RGL1: variants seen among roughly 807,000 people sequenced by gnomAD.
The protein encoded by RGL1 is ral guanine nucleotide dissociation stimulator like 1, also known as ral guanine nucleotide dissociation stimulator-like 1.
A neutral mutation model predicts 95.2 loss-of-function variants in RGL1; 24 were observed. The observed-to-expected ratio is 0.25, with a 90% confidence interval of 0.18 to 0.35. RGL1 has a LOEUF of 0.35. Among genes scored for constraint, RGL1 ranks in the 10% least tolerant of loss-of-function variants. RGL1 has a pLI of 1.00. For missense variants in RGL1, 715 were observed against 936.3 expected (o/e 0.76, Z 3.08); for synonymous variants, 329 against 344.9 (o/e 0.95, Z 0.51).
intron 2 of RGL1, among the ~76,000 whole-genome samples, chr1:183,787,976 C>G (rs971090193): frequency 6.6e-6 from 1 of 152,124 alleles, no homozygotes; most frequent in Non-Finnish European, 1.5e-5. Flanking sequence ...ATCTGCAGAG[C>G]CATGAGTCAA....
chr1:183,912,056 A>G (rs750590186), intron 14 of RGL1, 26 bp from the exon 15 acceptor site: 1 of 1,604,218 alleles, frequency 6.2e-7, no homozygotes, highest in Admixed American at 1.7e-5. Flanking sequence ...AACAGCCCAA[A>G]TGCTTGGCAT....
At chr1:183,730,900 C>T (rs968917121) in intron 1 of RGL1, among the ~76,000 whole-genome samples, 19 of 152,162 alleles carry the variant, frequency 1.2e-4, no homozygotes, top group Non-Finnish European at 2.1e-4. Flanking sequence ...TAACAAGCCT[C>T]GAATTCCTTT....
chr1:183,740,213 C>T (rs6658466), intron 1 of RGL1, among the ~76,000 whole-genome samples: 69,488 of 151,964 alleles, frequency 0.46, 16,983 homozygotes, highest in East Asian at 0.8. Flanking sequence ...TATTTCCTTG[C>T]GTGTATGTGT....
In RGL1 at chr1:183,926,569, T is replaced by G; in HGVS notation, c.*277T>G. ...TTTAAAACATATATATGCACATGTA[T>G]TTGGTATGCATGTGTATCTATATAA... On this transcript the variant is annotated 3_prime_UTR_variant, in exon 18 of 18. Transcript: ENST00000360851. 4.4e-6 allele frequency: 1 copy of G among 228,898 alleles called. No individual in the cohort carries two copies. The highest frequency in any genetic ancestry group is 8.6e-6 in the Non-Finnish European group (1 of 116,374). 14.2% of individuals were successfully genotyped at this position (228,898 alleles called of 1,614,324 possible).
chr1:183,668,668 T>A (rs895454715), intron 1 of RGL1, among the ~76,000 whole-genome samples: 1 of 151,996 alleles, frequency 6.6e-6, no homozygotes, highest in Non-Finnish European at 1.5e-5. Context: ...TAAGCATAGT[T>A]TTTTTTGTTT....
chr1:183,713,382 C>CA (rs1553273628), intron 1 of RGL1, among the ~76,000 whole-genome samples: 6 of 134,852 alleles, frequency 4.4e-5, no homozygotes, highest in South Asian at 2.8e-4. Context: ...AGGCACCCCC[C>CA]CCCCCCGCTT....
chr1:183,766,565 G>T (rs1265030954), intron 2 of RGL1, among the ~76,000 whole-genome samples: 1 of 151,986 alleles, frequency 6.6e-6, no homozygotes, highest in Non-Finnish European at 1.5e-5. Context: ...GAATTACCTT[G>T]GAAATAAACA....
At chr1:183,679,709 A>T (rs1653079279) in intron 1 of RGL1, among the ~76,000 whole-genome samples, 1 of 152,184 alleles carries the variant, frequency 6.6e-6, no homozygotes, top group Non-Finnish European at 1.5e-5. Flanking sequence ...AGAATAATTT[A>T]TAATCCTTTG....
chr1:183,710,401 A>G (rs1655188446), intron 1 of RGL1, among the ~76,000 whole-genome samples: 1 of 152,130 alleles, frequency 6.6e-6, no homozygotes, highest in Non-Finnish European at 1.5e-5. Flanking sequence ...CACTGGTGGT[A>G]AGGGGGAAGG....
intron 4 of RGL1, among the ~76,000 whole-genome samples, chr1:183,874,517 T>G (rs1413622571): frequency 3.3e-5 from 5 of 152,018 alleles, no homozygotes; most frequent in African/African-American, 1.2e-4. Flanking sequence ...GAGGTTTTTT[T>G]TTTTCTCTTC....
chr1:183,666,005 C>CTTTTTTTTTTT (rs746295660), intron 1 of RGL1, among the ~76,000 whole-genome samples: 8 of 130,698 alleles, frequency 6.1e-5, no homozygotes, highest in Non-Finnish European at 9.9e-5. Context: ...TTCTTTTTTT[C>CTTTTTTTTTTT]TTTTTTTTTT....
chr1:183,694,486 A>G (rs1654143994), intron 1 of RGL1, among the ~76,000 whole-genome samples: 1 of 152,212 alleles, frequency 6.6e-6, no homozygotes, highest in Non-Finnish European at 1.5e-5. Context: ...GATAATATTA[A>G]CTGAAATTCT....
chr1:183,795,608 AGGCAGGGGCTAACCTGGGCAAGGCCCT>A (rs771776653), intron 2 of RGL1, among the ~76,000 whole-genome samples: 17 of 152,224 alleles, frequency 1.1e-4, no homozygotes, highest in Non-Finnish European at 2.5e-4. Context: ...CTGAAGAGGC[AGGCAGGGGCTAACCTGGGCAAGGCCCT>A]GTGGCATATG....
intron 1 of RGL1, among the ~76,000 whole-genome samples, chr1:183,692,957 AT>A (rs566962381): frequency 0.024 from 3,450 of 145,172 alleles, 116 homozygotes; most frequent in African/African-American, 0.078. Context: ...GATAAAAAAA[AT>A]TTTTTTTTTT....
At chr1:183,776,390 C>T (rs374726746) in intron 2 of RGL1, among the ~76,000 whole-genome samples, 13 of 151,778 alleles carry the variant, frequency 8.6e-5, no homozygotes, top group South Asian at 2.1e-4. Context: ...CCTCGTGATC[C>T]GCCCGCCTCG....
chr1:183,693,243 C>T (rs1299783488), intron 1 of RGL1, among the ~76,000 whole-genome samples: 2 of 152,048 alleles, frequency 1.3e-5, no homozygotes, highest in Admixed American at 6.5e-5. Context: ...CATGAGCCAC[C>T]GTGCCCAGCC....
At chr1:183,913,678 G>A (rs978082015) in intron 15 of RGL1, among the ~76,000 whole-genome samples, 13 of 152,142 alleles carry the variant, frequency 8.5e-5, no homozygotes, top group African/African-American at 2.9e-4. Flanking sequence ...GTTGGCAATG[G>A]TTTCATCCCT....
upstream of RGL1, among the ~76,000 whole-genome samples, chr1:183,800,289 T>G (rs1054939992): frequency 6.6e-6 from 1 of 152,220 alleles, no homozygotes; most frequent in African/African-American, 2.4e-5. Flanking sequence ...GGTATATATA[T>G]TGTATACTTC....
chr1:183,668,009 G>GTGTA (rs1558144018), intron 1 of RGL1, among the ~76,000 whole-genome samples: 1 of 31,564 alleles, frequency 3.2e-5, no homozygotes, highest in Non-Finnish European at 1.4e-4. Context: ...ATATATGTGT[G>GTGTA]TGTGTGTGTG....
Sources: gnomAD v4.1 joint callset for allele counts (sites outside exome capture counted in the v4.1 genomes callset) on GRCh38, gnomAD v4.1.1 for gene constraint, MANE v1.5 for transcripts, NCBI Gene and HGNC (gene_info 2026-07-23, HGNC 2026-07-21) for gene names.